Variants in DUSP16 observed in about 807,000 individuals in gnomAD.
DUSP16 encodes the protein dual specificity phosphatase 16.
In DUSP16, 21 loss-of-function variants were observed where a neutral mutation model predicts 58.3. That is an observed-to-expected ratio of 0.36 (90% CI 0.26 to 0.52). DUSP16 has a LOEUF of 0.52. Ranked by LOEUF, DUSP16 falls within the 20% of genes least tolerant of loss-of-function variation. The pLI is 0.94. For synonymous variants in DUSP16, 320 were observed against 323.8 expected (o/e 0.99, Z 0.12); for missense variants, 726 against 819.0 (o/e 0.89, Z 1.39).
chr12:12,545,956 T>C (rs185643049), intron 1 of DUSP16, among the ~76,000 whole-genome samples: 24 of 152,322 alleles, frequency 1.6e-4, no homozygotes, highest in Middle Eastern at 3.4e-3. Context: ...CAATCTAATA[T>C]TTAATATGTG....
chr12:12,499,419 C>T (rs1319453089), intron 4 of DUSP16, among the ~76,000 whole-genome samples: 3 of 152,192 alleles, frequency 2.0e-5, no homozygotes, highest in African/African-American at 7.2e-5. Context: ...GCAGATCTCA[C>T]AGTAAAAGCA....
chr12:12,550,794 G>A (rs1302666532), intron 1 of DUSP16, among the ~76,000 whole-genome samples: 1 of 151,992 alleles, frequency 6.6e-6, no homozygotes, highest in African/African-American at 2.4e-5. Flanking sequence ...TAATGTAGAT[G>A]ACGGGCTGAT....
chr12:12,482,395 A>T (rs1358646318), intron 5 of DUSP16, among the ~76,000 whole-genome samples: 1 of 152,212 alleles, frequency 6.6e-6, no homozygotes, highest in African/African-American at 2.4e-5. Context: ...TGTGCTTACA[A>T]CTGTTTTTAT....
Position 12,480,323 on chromosome 12 carries a change from A to G in DUSP16, c.715T>C (p.Cys239Arg), listed in dbSNP as rs770356139. The G allele has an allele frequency of 3.7e-6, 6 of 1,613,996 alleles. No homozygotes were observed. In the South Asian group the frequency reaches 6.6e-5, roughly 18 times the overall value. Residue 239 changes from cysteine to arginine, a missense_variant, in exon 6 of 7, where the codon TGT (cysteine) becomes CGT (arginine). Coordinates refer to ENST00000298573, the MANE Select transcript of DUSP16 (RefSeq NM_030640.3). ...CCAGCTAAACAGTGCACTAGAACAC[A>G]TCCATTGGAGGCTTTTGCTTTCTCT... ...FIEKAKASNG[C>R]VLVHCLAGIS...
chr12:12,557,240 G>A (rs1944818852), intron 1 of DUSP16, among the ~76,000 whole-genome samples: 1 of 152,118 alleles, frequency 6.6e-6, no homozygotes, highest in Non-Finnish European at 1.5e-5. Context: ...TGGAACACGA[G>A]GTCAGGAGAT....
chr12:12,551,645 T>C (rs891175760), intron 1 of DUSP16, among the ~76,000 whole-genome samples: 2 of 151,892 alleles, frequency 1.3e-5, no homozygotes, highest in South Asian at 2.1e-4. Context: ...TAATATTGTA[T>C]AATCAAATGT....
At chr12:12,546,639 A>G (rs1046398023) in intron 1 of DUSP16, among the ~76,000 whole-genome samples, 2 of 152,212 alleles carry the variant, frequency 1.3e-5, no homozygotes, top group African/African-American at 4.8e-5. Context: ...ACAACACTAG[A>G]TAGACATGCT....
intron 1 of DUSP16, among the ~76,000 whole-genome samples, chr12:12,525,763 A>C (rs185150737): frequency 2.4e-5 from 3 of 124,772 alleles, no homozygotes; most frequent in Non-Finnish European, 3.6e-5. Flanking sequence ...CACACACACA[A>C]TTTTCCCCCC....
At chr12:12,517,646 A>G (rs772674999) in intron 3 of DUSP16, among the ~76,000 whole-genome samples, 1 of 152,216 alleles carries the variant, frequency 6.6e-6, no homozygotes, top group Non-Finnish European at 1.5e-5. Context: ...GAAGGCTTCT[A>G]ATCATCTAGA....
chr12:12,545,442 CTT>C (rs71436720), intron 1 of DUSP16, among the ~76,000 whole-genome samples: 64 of 131,988 alleles, frequency 4.8e-4, no homozygotes, highest in East Asian at 1.3e-3. Flanking sequence ...AATTTGTGTA[CTT>C]TTTTTTTTTT....
chr12:12,498,268 TG>T (rs912548921), intron 4 of DUSP16, among the ~76,000 whole-genome samples: 18 of 152,272 alleles, frequency 1.2e-4, no homozygotes, highest in African/African-American at 4.3e-4. Flanking sequence ...GTAACATTTT[TG>T]GAATACTGAT....
intron 1 of DUSP16, 72 bp downstream of exon 1, chr12:12,562,045 C>T (rs1944911996): frequency 6.7e-6 from 1 of 150,214 alleles, no homozygotes; most frequent in Non-Finnish European, 1.5e-5. Flanking sequence ...TCCATGCGGC[C>T]GGGCGGGAGG....
intron 6 of DUSP16, among the ~76,000 whole-genome samples, 200 bp downstream of exon 6, chr12:12,480,023 G>A (rs1943533938): frequency 6.6e-6 from 1 of 152,206 alleles, no homozygotes; most frequent in Admixed American, 6.5e-5. Flanking sequence ...TCTGACACAT[G>A]TGAAGGCAGA....
At chr12:12,508,762 G>A (rs1944033319) in intron 3 of DUSP16, among the ~76,000 whole-genome samples, 1 of 152,150 alleles carries the variant, frequency 6.6e-6, no homozygotes. Flanking sequence ...ACACAGTTGG[G>A]AAATGGGAAA....
rs955231502 is a variant in DUSP16, at chr12:12,562,316, G to A, written c.-565C>T. The stretch of plus-strand genomic sequence containing the variant: ...TATATTATCTTCTCCTTCTCTGAGG[G>A]GTGGGTTGGGGCGGGAGGCTTAGGA... On this transcript the variant is annotated 5_prime_UTR_variant, in exon 1 of 7. Transcript: ENST00000298573. The A allele has an allele frequency of 1.3e-5, 2 of 151,782 alleles. No individual in the cohort carries two copies. Among genetic ancestry groups the A allele is most frequent in the African/African-American group, 4.8e-5 (2 of 41,334 alleles). 9.4% of individuals were successfully genotyped at this position (151,782 alleles called of 1,614,324 possible).
At chr12:12,480,101 A>T (rs901155192) in intron 6 of DUSP16, 122 bp downstream of exon 6, 16 of 1,317,702 alleles carry the variant, frequency 1.2e-5, no homozygotes, top group Non-Finnish European at 1.7e-5. Flanking sequence ...ATCCACAGTA[A>T]CCTGTAAAAA....
At chr12:12,531,929 C>T (rs988562796) in intron 1 of DUSP16, among the ~76,000 whole-genome samples, 1 of 151,522 alleles carries the variant, frequency 6.6e-6, no homozygotes, top group Admixed American at 6.6e-5. Flanking sequence ...GAGGCCGAGG[C>T]GGGTGGATCA....
intron 1 of DUSP16, among the ~76,000 whole-genome samples, chr12:12,549,751 A>G (rs1434530596): frequency 6.7e-6 from 1 of 148,858 alleles, no homozygotes; most frequent in African/African-American, 2.5e-5. Flanking sequence ...ATGTGTGTAT[A>G]TATGTGGCCA....
At chr12:12,478,289 C>G (rs1049476410) in intron 6 of DUSP16, among the ~76,000 whole-genome samples, 6 of 151,710 alleles carry the variant, frequency 4.0e-5, no homozygotes, top group African/African-American at 1.5e-4. Context: ...GCCCAGGGCT[C>G]CCAATGCAGC....
Sources: gnomAD v4.1 joint callset for allele counts (sites outside exome capture counted in the v4.1 genomes callset) on GRCh38, gnomAD v4.1.1 for gene constraint, MANE v1.5 for transcripts, NCBI Gene and HGNC (gene_info 2026-07-23, HGNC 2026-07-21) for gene names.